KHDRBS2: variants seen among roughly 807,000 people sequenced by gnomAD.
KHDRBS2 encodes KH RNA binding domain containing, signal transduction associated 2, also known as KH domain-containing, RNA-binding, signal transduction-associated protein 2.
In KHDRBS2, 26 loss-of-function variants were observed where a neutral mutation model predicts 44.3. The observed-to-expected ratio is 0.59, with a 90% CI of 0.43 to 0.81. The LOEUF (loss-of-function observed/expected upper bound fraction) is 0.81, where lower values mean the gene tolerates loss of function less well. Ranked by LOEUF, KHDRBS2 falls within the 40% of genes least tolerant of loss-of-function variation. The probability of loss-of-function intolerance (pLI) is 0.00; values close to 1 mark genes in which losing one functional copy is unlikely to be tolerated. For missense variants in KHDRBS2, 476 were observed against 433.1 expected, an observed-to-expected ratio of 1.10 and a Z score of -0.88; for synonymous variants, 194 against 151.1, an observed-to-expected ratio of 1.28 and a Z score of -2.08.
At chr6:62,058,891 T>C (rs1790941842) in intron 2 of KHDRBS2, among the ~76,000 whole-genome samples, 1 of 151,736 alleles carries the variant, frequency 6.6e-6, no homozygotes, top group African/African-American at 2.4e-5. Context: ...TTACCACAAA[T>C]ATAATTTATT....
intron 6 of KHDRBS2, among the ~76,000 whole-genome samples, chr6:61,880,607 AC>A (rs1267534883): frequency 1.3e-5 from 2 of 151,942 alleles, no homozygotes; most frequent in Admixed American, 6.6e-5. Context: ...TAAAACAGAC[AC>A]ATTTTTTAAA....
chr6:62,254,197 C>T (rs1328323545), intron 1 of KHDRBS2, among the ~76,000 whole-genome samples: 2 of 152,084 alleles, frequency 1.3e-5, no homozygotes, highest in African/African-American at 4.8e-5. Context: ...CCTCAGAGCA[C>T]AGAATACTTT....
intron 6 of KHDRBS2, among the ~76,000 whole-genome samples, chr6:61,777,552 A>C (rs537870271): frequency 2.6e-5 from 4 of 152,128 alleles, no homozygotes; most frequent in Non-Finnish European, 5.9e-5. Flanking sequence ...AACTCATTCT[A>C]TTCCTCATTT....
At chr6:61,661,030 G>C in the KHDRBS2 span, among the ~76,000 whole-genome samples, 58 of 151,858 alleles carry the variant, frequency 3.8e-4, no homozygotes, top group African/African-American at 1.3e-3. Flanking sequence ...ATGTTCTGAT[G>C]AATAAGACAC....
intron 6 of KHDRBS2, among the ~76,000 whole-genome samples, chr6:61,789,453 A>G (rs1784300978): frequency 6.6e-6 from 1 of 151,552 alleles, no homozygotes; most frequent in Admixed American, 6.6e-5. Context: ...TGCTAAGCAC[A>G]CAAGCATGGA....
chr6:62,010,949 T>C (rs1410315619), intron 3 of KHDRBS2, among the ~76,000 whole-genome samples: 2 of 152,128 alleles, frequency 1.3e-5, no homozygotes, highest in Non-Finnish European at 1.5e-5. Context: ...ATTAAAAAAA[T>C]AAACATTTGT....
chr6:61,576,374 T>C, the KHDRBS2 span, among the ~76,000 whole-genome samples: 2 of 152,160 alleles, frequency 1.3e-5, no homozygotes, highest in Admixed American at 6.6e-5. Flanking sequence ...TCCTGATTTG[T>C]TTCTCAGCTT....
intron 1 of KHDRBS2, among the ~76,000 whole-genome samples, chr6:62,184,439 T>C (rs1455771781): frequency 6.6e-6 from 1 of 151,686 alleles, no homozygotes; most frequent in African/African-American, 2.4e-5. Flanking sequence ...ATTATCCCAC[T>C]TTCCAAATAA....
chr6:62,266,840 A>C (rs1451352268), intron 1 of KHDRBS2, among the ~76,000 whole-genome samples: 1 of 152,026 alleles, frequency 6.6e-6, no homozygotes, highest in Non-Finnish European at 1.5e-5. Context: ...GAAAAGGAAA[A>C]AATTTAAATA....
At chr6:61,719,720 C>G (rs1370767629) in intron 7 of KHDRBS2, among the ~76,000 whole-genome samples, 1 of 151,968 alleles carries the variant, frequency 6.6e-6, no homozygotes, top group Non-Finnish European at 1.5e-5. Context: ...GTCATCTTTA[C>G]CAGTCATTAA....
the KHDRBS2 span, among the ~76,000 whole-genome samples, chr6:61,588,358 T>C: frequency 6.6e-6 from 1 of 152,232 alleles, no homozygotes; most frequent in African/African-American, 2.4e-5. Flanking sequence ...TCTCCTCTTT[T>C]GAGGTTGCAG....
Position 61,680,152 on chromosome 6 carries a change from T to C in KHDRBS2, c.*811A>G, listed in dbSNP as rs1450016463. 6.6e-6 allele frequency: 1 copy of C among 152,398 alleles called. No homozygotes were observed. The highest frequency in any genetic ancestry group is 2.4e-5 in the African/African-American group (1 of 41,440). 9.4% of individuals were successfully genotyped at this position (152,398 alleles called of 1,614,324 possible). ...AACAGACTTGGGTTCATTTTTGTAA[T>C]TTTTAAATAGAAAACATTTTAGGCA... is the stretch of plus-strand genomic sequence containing the variant. On this transcript the variant is annotated 3_prime_UTR_variant, in exon 9 of 9. Transcript: ENST00000281156.
At chr6:61,763,528 C>T (rs1448156293) in intron 6 of KHDRBS2, among the ~76,000 whole-genome samples, 12 of 152,178 alleles carry the variant, frequency 7.9e-5, no homozygotes, top group Middle Eastern at 3.4e-3. Flanking sequence ...AGTTCTAAAA[C>T]GAATGGAGAG....
At chr6:62,097,118 T>G (rs77124898) in intron 2 of KHDRBS2, among the ~76,000 whole-genome samples, 1 of 151,852 alleles carries the variant, frequency 6.6e-6, no homozygotes, top group Non-Finnish European at 1.5e-5. Flanking sequence ...TTTTTTTTTT[T>G]AATTGTTGAG....
At position 61,945,108 on chromosome 6, in the gene KHDRBS2, AAAAAGTATATATATATATATAT is replaced by A. The variant is rs1252704682; in HGVS notation, c.483+32936_483+32957del. Among the ~76,000 whole-genome samples, 7 of 54,996 alleles carry A rather than the reference AAAAAGTATATATATATATATAT, an allele frequency of 1.3e-4. 1 individual carries two copies. Among genetic ancestry groups the A allele is most frequent in the Non-Finnish European group, 2.1e-4 (7 of 33,116 alleles). The allele number at this position is 54,996 out of a possible 152,430, so 36.1% of individuals were successfully genotyped here. ...TCTGTCTTAAAAAAAAAAAAAAAAA[AAAAAGTATATATATATATATAT>A]ATATATATATATATATATATACACA... is the stretch of plus-strand genomic sequence containing the variant. On this transcript the variant is annotated intron_variant, in intron 4 of 8. Coordinates refer to ENST00000281156, the MANE Select transcript of KHDRBS2 (RefSeq NM_152688.4).
At chr6:61,769,655 T>G (rs1780544564) in intron 6 of KHDRBS2, among the ~76,000 whole-genome samples, 1 of 152,178 alleles carries the variant, frequency 6.6e-6, no homozygotes, top group East Asian at 1.9e-4. Context: ...ATTGCCGAGT[T>G]ACTTGTTTGA....
intron 2 of KHDRBS2, among the ~76,000 whole-genome samples, chr6:62,128,244 C>T (rs1748330313): frequency 6.6e-6 from 1 of 152,036 alleles, no homozygotes; most frequent in Non-Finnish European, 1.5e-5. Flanking sequence ...GGGCCTATGA[C>T]TCTGGGCTCA....
chr6:62,137,687 A>G (rs1324050436), intron 2 of KHDRBS2, among the ~76,000 whole-genome samples: 2 of 152,068 alleles, frequency 1.3e-5, no homozygotes, highest in Non-Finnish European at 2.9e-5. Flanking sequence ...TCTCTTTTCC[A>G]GTTTTTTTCA....
intron 4 of KHDRBS2, among the ~76,000 whole-genome samples, chr6:61,913,277 T>A (rs1806381643): frequency 6.6e-6 from 1 of 152,040 alleles, no homozygotes; most frequent in African/African-American, 2.4e-5. Context: ...TTAATCAATA[T>A]CTAGATACTA....
Sources: gnomAD v4.1 joint callset for allele counts (sites outside exome capture counted in the v4.1 genomes callset) on GRCh38, gnomAD v4.1.1 for gene constraint, MANE v1.5 for transcripts, NCBI Gene and HGNC (gene_info 2026-07-23, HGNC 2026-07-21) for gene names.